CDH11: variants seen among roughly 807,000 people sequenced by gnomAD.
CDH11 encodes cadherin-11.
A neutral mutation model predicts 67.8 loss-of-function variants in CDH11; 11 were observed. That is an observed-to-expected ratio of 0.16 (90% confidence interval 0.10 to 0.27). CDH11 has a LOEUF of 0.27. Ranked by LOEUF, CDH11 falls within the 10% of genes least tolerant of loss-of-function variation. The probability of loss-of-function intolerance (pLI) is 1.00; values close to 1 mark genes in which losing one functional copy is unlikely to be tolerated. For synonymous variants in CDH11, 419 were observed against 400.0 expected (o/e 1.05, Z -0.57); for missense variants, 847 against 1,031.2 (o/e 0.82, Z 2.45).
intron 1 of CDH11, among the ~76,000 whole-genome samples, chr16:65,081,501 G>A (rs569600948): frequency 2.1e-4 from 32 of 151,800 alleles, no homozygotes; most frequent in Non-Finnish European, 3.5e-4. Context: ...CCCGGGAGGC[G>A]GAGCTTGCAG....
chr16:65,100,094 G>T (rs912341837), intron 1 of CDH11, among the ~76,000 whole-genome samples: 8 of 152,174 alleles, frequency 5.3e-5, no homozygotes, highest in African/African-American at 1.9e-4. Context: ...AATGGACTGG[G>T]TGTGAGGTCT....
intron 1 of CDH11, among the ~76,000 whole-genome samples, chr16:65,115,250 AT>A (rs1691281729): frequency 6.6e-6 from 1 of 152,138 alleles, no homozygotes; most frequent in Admixed American, 6.5e-5. Flanking sequence ...TATCTCTCAA[AT>A]CTCAAATCCC....
At chr16:65,106,664 A>C (rs2075071801) in intron 1 of CDH11, among the ~76,000 whole-genome samples, 2 of 152,172 alleles carry the variant, frequency 1.3e-5, no homozygotes, top group South Asian at 4.1e-4. Context: ...ATCTTCTTTC[A>C]ACAACCCTTC....
At chr16:64,949,640 G>A (rs2071302321) in intron 12 of CDH11, among the ~76,000 whole-genome samples, 1 of 151,904 alleles carries the variant, frequency 6.6e-6, no homozygotes, top group Non-Finnish European at 1.5e-5. Context: ...TGTTCAGGCT[G>A]GTCTTGAACT....
chr16:64,960,211 C>T (rs948627058), intron 11 of CDH11, among the ~76,000 whole-genome samples: 6 of 152,122 alleles, frequency 3.9e-5, no homozygotes, highest in Non-Finnish European at 8.8e-5. Context: ...GTACTGACTT[C>T]TTTAGAATAT....
chr16:65,029,726 G>A (rs1520229), intron 2 of CDH11, among the ~76,000 whole-genome samples: 40,576 of 152,052 alleles, frequency 0.27, 6,098 homozygotes, highest in Middle Eastern at 0.36. Context: ...AGAGTAAATC[G>A]CTTGTCCTTA....
At chr16:65,117,306 G>A (rs542158584) in intron 1 of CDH11, among the ~76,000 whole-genome samples, 2 of 152,206 alleles carry the variant, frequency 1.3e-5, no homozygotes, top group Admixed American at 6.5e-5. Flanking sequence ...ACACAAATAA[G>A]TAGCCACTTA....
chr16:65,062,496 A>G (rs974770499), intron 1 of CDH11, among the ~76,000 whole-genome samples: 2 of 152,240 alleles, frequency 1.3e-5, no homozygotes, highest in African/African-American at 4.8e-5. Context: ...GATTTATGAT[A>G]TAATAGGAGA....
chr16:65,017,567 A>G (rs1273149997), intron 2 of CDH11, among the ~76,000 whole-genome samples: 2 of 152,216 alleles, frequency 1.3e-5, no homozygotes, highest in Non-Finnish European at 2.9e-5. Context: ...TTCCTACACA[A>G]TGAGGACGAC....
At chr16:65,122,118 G>T, upstream of CDH11, 1 of 524,170 alleles carries the variant, frequency 1.9e-6, no homozygotes, top group Non-Finnish European at 3.3e-6. Context: ...GGTGGCGGGC[G>T]GGCAGGCGGG....
At position 64,948,112 on chromosome 16, in the gene CDH11, A is replaced by G; in HGVS notation, c.1895-13T>C. ...AATACTACAATGACTGGAGGGAAAGAAAAAGAAGGTAAGCATTCGTTAAGT... is the reference window on the plus strand; with the variant it reads ...AATACTACAATGACTGGAGGGAAAGGAAAAGAAGGTAAGCATTCGTTAAGT... On this transcript the variant is annotated splice_polypyrimidine_tract_variant and intron_variant, in intron 12 of 12. Coordinates refer to ENST00000268603, the MANE Select transcript of CDH11 (RefSeq NM_001797.4). 6.2e-7 allele frequency: 1 copy of G among 1,604,760 alleles called. No homozygotes were observed. The highest frequency in any genetic ancestry group is 8.5e-7 in the Non-Finnish European group (1 of 1,175,038).
intron 4 of CDH11, among the ~76,000 whole-genome samples, chr16:64,997,255 G>A (rs1180679722): frequency 6.6e-6 from 1 of 151,318 alleles, no homozygotes; most frequent in Non-Finnish European, 1.5e-5. Flanking sequence ...AGCCAAGATG[G>A]CATTACGGCA....
chr16:64,963,124 G>A (rs1015840402), intron 11 of CDH11, among the ~76,000 whole-genome samples: 2 of 152,144 alleles, frequency 1.3e-5, no homozygotes, highest in Non-Finnish European at 2.9e-5. Flanking sequence ...AACCAGGCAC[G>A]CATATGACAG....
intron 11 of CDH11, among the ~76,000 whole-genome samples, chr16:64,958,472 G>C (rs60424410): frequency 6.6e-6 from 1 of 151,918 alleles, no homozygotes; most frequent in Non-Finnish European, 1.5e-5. Flanking sequence ...ATGGGCAAAC[G>C]CTGTTGTTTG....
At chr16:64,964,453 A>G (rs542921355) in intron 11 of CDH11, among the ~76,000 whole-genome samples, 22 of 152,310 alleles carry the variant, frequency 1.4e-4, no homozygotes, top group Non-Finnish European at 2.6e-4. Flanking sequence ...GCATGAATGG[A>G]GTGTTCAGGA....
intron 1 of CDH11, among the ~76,000 whole-genome samples, chr16:65,083,796 A>G (rs2074650711): frequency 6.6e-6 from 1 of 152,238 alleles, no homozygotes. Context: ...GCCACCTAGG[A>G]AGTAGTCTTA....
intron 11 of CDH11, among the ~76,000 whole-genome samples, chr16:64,966,642 C>G (rs1321595107): frequency 6.6e-6 from 1 of 151,316 alleles, no homozygotes; most frequent in Non-Finnish European, 1.5e-5. Flanking sequence ...TTTAAAATGC[C>G]CAACAGGTGG....
intron 12 of CDH11, among the ~76,000 whole-genome samples, chr16:64,949,877 CAGGACCTA>C (rs1383987186): frequency 6.6e-6 from 1 of 152,170 alleles, no homozygotes; most frequent in Admixed American, 6.5e-5. Context: ...CTTTATCCCC[CAGGACCTA>C]ACATAGGGCC....
chr16:65,094,411 A>T (rs2074847792), intron 1 of CDH11, among the ~76,000 whole-genome samples: 1 of 151,878 alleles, frequency 6.6e-6, no homozygotes, highest in Non-Finnish European at 1.5e-5. Flanking sequence ...AATAACCCAA[A>T]AATAAACAGA....
Sources: allele counts gnomAD v4.1 joint callset (sites outside exome capture counted in the v4.1 genomes callset), GRCh38; gene constraint gnomAD v4.1.1; transcripts MANE v1.5; gene names NCBI Gene and HGNC (gene_info 2026-07-23, HGNC 2026-07-21).